The following SNTB1 variants were observed in gnomAD, a reference collection of about 807,000 sequenced individuals.
SNTB1 encodes syntrophin beta 1.
SNTB1 carries 36 observed loss-of-function variants against 48.9 expected under a neutral mutation model. That is an observed-to-expected ratio of 0.74 (90% confidence interval 0.56 to 0.97). SNTB1 has a LOEUF of 0.97. Among genes scored for constraint, SNTB1 ranks in the 50% least tolerant of loss-of-function variants. The pLI is 0.00. For synonymous variants in SNTB1, 299 were observed against 294.6 expected (o/e 1.01, Z -0.15); for missense variants, 786 against 703.4 (o/e 1.12, Z -1.33).
intron 6 of SNTB1, among the ~76,000 whole-genome samples, chr8:120,540,338 C>T (rs1045493563): frequency 5.9e-5 from 9 of 152,164 alleles, no homozygotes; most frequent in African/African-American, 1.9e-4. Context: ...AATTTGAGCT[C>T]GTCAACTAAA....
intron 4 of SNTB1, among the ~76,000 whole-genome samples, chr8:120,553,623 GA>G (rs1310060597): frequency 6.6e-6 from 1 of 152,152 alleles, no homozygotes; most frequent in Non-Finnish European, 1.5e-5. Context: ...GGATGTTAAA[GA>G]AAAGCTTGAA....
intron 1 of SNTB1, among the ~76,000 whole-genome samples, chr8:120,809,486 T>C (rs1473386326): frequency 2.0e-5 from 3 of 152,252 alleles, no homozygotes; most frequent in Admixed American, 6.5e-5. Flanking sequence ...CAGAGAAATT[T>C]CTTCCTCTTT....
At chr8:120,784,414 T>C (rs1192439104) in intron 1 of SNTB1, among the ~76,000 whole-genome samples, 4 of 152,090 alleles carry the variant, frequency 2.6e-5, no homozygotes, top group African/African-American at 4.8e-5. Flanking sequence ...AATATCTCAA[T>C]AAATCGCATT....
At chr8:120,631,456 T>C (rs1216970336) in intron 3 of SNTB1, among the ~76,000 whole-genome samples, 1 of 152,172 alleles carries the variant, frequency 6.6e-6, no homozygotes, top group Non-Finnish European at 1.5e-5. Flanking sequence ...AACCTGAGTA[T>C]TATTTCGGGT....
chr8:120,637,940 G>A (rs138603366), intron 2 of SNTB1: 38 of 217,292 alleles, frequency 1.7e-4, no homozygotes, highest in Middle Eastern at 9.6e-4. Flanking sequence ...GCTTCAATAC[G>A]CTTAACTTTT....
At chr8:120,562,695 A>G (rs1318719895) in intron 4 of SNTB1, among the ~76,000 whole-genome samples, 2 of 151,356 alleles carry the variant, frequency 1.3e-5, no homozygotes, top group African/African-American at 4.8e-5. Flanking sequence ...GACAAATGCA[A>G]TTGGCCAAAC....
At chr8:120,650,718 C>G (rs922309084) in intron 2 of SNTB1, among the ~76,000 whole-genome samples, 1 of 152,138 alleles carries the variant, frequency 6.6e-6, no homozygotes, top group Non-Finnish European at 1.5e-5. Context: ...GTTATTTGAC[C>G]TCATTTTACC....
intron 1 of SNTB1, among the ~76,000 whole-genome samples, chr8:120,716,161 T>G (rs1818553785): frequency 1.3e-5 from 2 of 152,350 alleles, no homozygotes; most frequent in South Asian, 2.1e-4. Flanking sequence ...AAATATTTGA[T>G]GAATGTATAC....
chr8:120,564,129 A>T (rs922766617), intron 4 of SNTB1, among the ~76,000 whole-genome samples: 1 of 149,632 alleles, frequency 6.7e-6, no homozygotes, highest in Non-Finnish European at 1.5e-5. Flanking sequence ...AAAAAAAAAG[A>T]ATTATGTACA....
intron 1 of SNTB1, among the ~76,000 whole-genome samples, chr8:120,802,791 C>T (rs1179207654): frequency 3.3e-5 from 5 of 151,996 alleles, no homozygotes; most frequent in African/African-American, 7.2e-5. Context: ...TACCAAATTC[C>T]GGGCAATGAG....
At chr8:120,547,821 C>A (rs1302268456) in intron 5 of SNTB1, among the ~76,000 whole-genome samples, 6 of 152,136 alleles carry the variant, frequency 3.9e-5, no homozygotes. Flanking sequence ...TTCATTCACA[C>A]CAGGGCAGGG....
At chr8:120,638,657 T>A (rs1233899409) in intron 2 of SNTB1, among the ~76,000 whole-genome samples, 1 of 152,142 alleles carries the variant, frequency 6.6e-6, no homozygotes, top group Non-Finnish European at 1.5e-5. Flanking sequence ...ACATGTGGTG[T>A]TTGGTTTTTT....
chr8:120,648,573 G>T (rs1439751142), intron 2 of SNTB1, among the ~76,000 whole-genome samples: 2 of 151,922 alleles, frequency 1.3e-5, no homozygotes. Flanking sequence ...AGGGTAACCC[G>T]ACCTTTCTCT....
chr8:120,571,192 T>C (rs1444822076), intron 4 of SNTB1: 132 of 1,241,748 alleles, frequency 1.1e-4, no homozygotes, highest in Non-Finnish European at 1.3e-4. Flanking sequence ...TCATGTTGCC[T>C]GAGAGTTGCA....
At chr8:120,788,248 A>C (rs1343032771) in intron 1 of SNTB1, among the ~76,000 whole-genome samples, 1 of 152,158 alleles carries the variant, frequency 6.6e-6, no homozygotes, top group Non-Finnish European at 1.5e-5. Flanking sequence ...TTGAAACAAA[A>C]GGCTGCTACA....
At chr8:120,651,685 G>A (rs1817413407) in intron 2 of SNTB1, among the ~76,000 whole-genome samples, 1 of 152,122 alleles carries the variant, frequency 6.6e-6, no homozygotes, top group Non-Finnish European at 1.5e-5. Flanking sequence ...TGAACATATG[G>A]AAGGAGGTAA....
At chr8:120,795,076 A>G (rs1820099861) in intron 1 of SNTB1, among the ~76,000 whole-genome samples, 1 of 152,062 alleles carries the variant, frequency 6.6e-6, no homozygotes, top group Admixed American at 6.6e-5. Flanking sequence ...AATATTTTTC[A>G]TCATAAGTAT....
At chr8:120,570,095 C>A (rs145119009) in intron 4 of SNTB1, among the ~76,000 whole-genome samples, 2 of 152,146 alleles carry the variant, frequency 1.3e-5, no homozygotes, top group Non-Finnish European at 2.9e-5. Context: ...TCAGTCTCCT[C>A]ATCTTACCAG....
rs566812712 is a variant in SNTB1, at chr8:120,538,649, G to C, written c.*228C>G. ...CACCTCACCTCTTTAACCTTGTACT[G>C]TTCTAGAAAGTTTTACTCTGATATT... On this transcript the variant is annotated 3_prime_UTR_variant, in exon 7 of 7. Transcript: ENST00000517992. 9.9e-6 allele frequency: 6 copies of C among 603,454 alleles called. No individual in the cohort carries two copies. The African/African-American group carries it at 1.1e-4, about 11-fold the overall frequency. 37.4% of individuals were successfully genotyped at this position (603,454 alleles called of 1,614,324 possible). A position where few individuals can be genotyped will look rare whatever the true frequency, so the allele number is the denominator to read the frequency against.
Sources: gnomAD v4.1 joint callset for allele counts (sites outside exome capture counted in the v4.1 genomes callset) on GRCh38, gnomAD v4.1.1 for gene constraint, MANE v1.5 for transcripts, NCBI Gene and HGNC (gene_info 2026-07-23, HGNC 2026-07-21) for gene names.